The following SGCZ variants were observed in gnomAD, a reference collection of about 807,000 sequenced individuals.
The protein encoded by SGCZ is sarcoglycan zeta.
SGCZ carries 40 observed loss-of-function variants against 41.3 expected under a neutral mutation model. The observed-to-expected ratio is 0.97, with a 90% CI of 0.75 to 1.26. SGCZ has a LOEUF of 1.26. Among genes scored for constraint, SGCZ ranks in the 50% most tolerant of loss-of-function variants. The pLI, the probability that SGCZ is intolerant of heterozygous loss-of-function variation, is 0.00. For missense variants in SGCZ, 552 were observed against 369.8 expected (o/e 1.49, Z -4.04); for synonymous variants, 206 against 137.5 (o/e 1.50, Z -3.49).
intron 1 of SGCZ, among the ~76,000 whole-genome samples, chr8:14,801,817 T>C (rs118021421): frequency 0.026 from 3,724 of 142,598 alleles, 61 homozygotes; most frequent in Middle Eastern, 0.059. Context: ...AATTTTTATG[T>C]GCTTTAAAAA....
intron 2 of SGCZ, among the ~76,000 whole-genome samples, chr8:14,530,149 C>T (rs1803082125): frequency 6.6e-6 from 1 of 151,932 alleles, no homozygotes; most frequent in African/African-American, 2.4e-5. Context: ...TACAGATAAT[C>T]ATCTGAACTC....
At chr8:14,458,527 G>A (rs996586301) in intron 2 of SGCZ, among the ~76,000 whole-genome samples, 4 of 152,124 alleles carry the variant, frequency 2.6e-5, no homozygotes, top group Non-Finnish European at 4.4e-5. Flanking sequence ...AAAAGGGAAA[G>A]TCAAAAGAAA....
chr8:14,537,077 G>A (rs1803318885), intron 2 of SGCZ, among the ~76,000 whole-genome samples: 1 of 151,906 alleles, frequency 6.6e-6, no homozygotes, highest in South Asian at 2.1e-4. Context: ...GCCCCATCAT[G>A]ACTCTAACAG....
chr8:14,357,186 T>C (rs545103708), intron 2 of SGCZ, among the ~76,000 whole-genome samples: 2 of 152,326 alleles, frequency 1.3e-5, no homozygotes, highest in Admixed American at 1.3e-4. Context: ...AAACCACAGA[T>C]ACTTTCAAAT....
chr8:14,415,430 G>C (rs1465699737), intron 2 of SGCZ, among the ~76,000 whole-genome samples: 3 of 151,830 alleles, frequency 2.0e-5, no homozygotes, highest in African/African-American at 7.2e-5. Flanking sequence ...AAGGGAATTA[G>C]TGTGAATGAT....
At chr8:14,492,989 C>T (rs75469465) in intron 2 of SGCZ, among the ~76,000 whole-genome samples, 1 of 152,028 alleles carries the variant, frequency 6.6e-6, no homozygotes, top group African/African-American at 2.4e-5. Flanking sequence ...GGATCTAACC[C>T]CCCAACTCTC....
Position 14,325,719 on chromosome 8 carries a change from T to TAC in SGCZ, c.235-1517_235-1516dup, listed in dbSNP as rs371412533. 2.2e-3 allele frequency among the ~76,000 whole-genome samples: 192 copies of TAC among 87,704 alleles called. 1 individual carries two copies. Among genetic ancestry groups the TAC allele is most frequent in the Non-Finnish European group, 3.3e-3 (137 of 41,338 alleles). The allele number at this position is 87,704 out of a possible 152,430, so 57.5% of individuals were successfully genotyped here. A position where few individuals can be genotyped will look rare whatever the true frequency, so the allele number is the denominator to read the frequency against. On this transcript the variant is annotated intron_variant, in intron 2 of 7. Transcript: ENST00000382080. ...ATATAATTATATATACATATCTGTA[T>TAC]ACACACACACACACACACACACACA...
chr8:14,527,992 T>C (rs893516342), intron 2 of SGCZ, among the ~76,000 whole-genome samples: 2 of 152,058 alleles, frequency 1.3e-5, no homozygotes, highest in African/African-American at 4.8e-5. Context: ...TGAACTTACA[T>C]GTTTCAAAAT....
chr8:14,197,073 T>C (rs1339702253), intron 4 of SGCZ, among the ~76,000 whole-genome samples: 1 of 152,164 alleles, frequency 6.6e-6, no homozygotes, highest in Non-Finnish European at 1.5e-5. Context: ...ATCATTAAAA[T>C]GTACATTTAA....
At chr8:14,892,986 G>A (rs954988564) in intron 1 of SGCZ, among the ~76,000 whole-genome samples, 1 of 152,144 alleles carries the variant, frequency 6.6e-6, no homozygotes, top group Non-Finnish European at 1.5e-5. Context: ...TCCATACAGA[G>A]CATATGGTAG....
intron 1 of SGCZ, among the ~76,000 whole-genome samples, chr8:14,844,515 T>C: frequency 6.6e-6 from 1 of 152,160 alleles, no homozygotes; most frequent in East Asian, 1.9e-4. Context: ...GTTTCACTTC[T>C]ATCCCCTTTA....
At chr8:14,264,726 C>T (rs1799814402) in intron 3 of SGCZ, among the ~76,000 whole-genome samples, 1 of 152,164 alleles carries the variant, frequency 6.6e-6, no homozygotes, top group Non-Finnish European at 1.5e-5. Flanking sequence ...CTTTGGGAGT[C>T]CGAGGCGGGC....
chr8:14,706,235 C>T (rs1809329011), intron 1 of SGCZ, among the ~76,000 whole-genome samples: 1 of 152,112 alleles, frequency 6.6e-6, no homozygotes, highest in Admixed American at 6.5e-5. Flanking sequence ...ATCCACATCA[C>T]ACTGCCCTTT....
intron 1 of SGCZ, among the ~76,000 whole-genome samples, chr8:15,011,583 G>A (rs1802828770): frequency 6.6e-6 from 1 of 152,110 alleles, no homozygotes; most frequent in Admixed American, 6.6e-5. Flanking sequence ...TGTCACAGCT[G>A]AAATTCCATA....
At position 14,883,426 on chromosome 8, in the gene SGCZ, A is replaced by T. The variant is rs180771479; in HGVS notation, c.40-328500T>A. On this transcript the variant is annotated intron_variant, in intron 1 of 7. Coordinates refer to ENST00000382080, the MANE Select transcript of SGCZ (RefSeq NM_139167.4). ...GCTTTAGCCATATTCAATATTATAC[A>T]TTAAATACACAAATAGTTTTTAAAA... is the stretch of plus-strand genomic sequence containing the variant. Among the ~76,000 whole-genome samples the T allele has an allele frequency of 3.7e-3, 561 of 152,242 alleles. 4 individuals carry two copies. Among genetic ancestry groups the T allele is most frequent in the African/African-American group, 0.013 (543 of 41,570 alleles).
At chr8:14,674,395 T>G (rs555484814) in intron 1 of SGCZ, among the ~76,000 whole-genome samples, 21 of 152,094 alleles carry the variant, frequency 1.4e-4, no homozygotes, top group Non-Finnish European at 2.6e-4. Context: ...TAAGATTAAA[T>G]TTACAAGAAA....
intron 2 of SGCZ, among the ~76,000 whole-genome samples, chr8:14,410,679 T>C (rs1215958171): frequency 6.6e-6 from 1 of 152,040 alleles, no homozygotes; most frequent in Non-Finnish European, 1.5e-5. Context: ...AAAACCTAGA[T>C]GATGGGTTGA....
At chr8:14,330,698 C>T (rs1171446219) in intron 2 of SGCZ, among the ~76,000 whole-genome samples, 1 of 151,924 alleles carries the variant, frequency 6.6e-6, no homozygotes, top group Non-Finnish European at 1.5e-5. Context: ...TCACTCCCTC[C>T]TCTTGAGTTA....
chr8:14,428,629 A>G (rs1393384915), intron 2 of SGCZ, among the ~76,000 whole-genome samples: 1 of 152,214 alleles, frequency 6.6e-6, no homozygotes, highest in Non-Finnish European at 1.5e-5. Flanking sequence ...TAGATTCACA[A>G]AGAAATACTG....
Sources: gnomAD v4.1 joint callset for allele counts (sites outside exome capture counted in the v4.1 genomes callset) on GRCh38, gnomAD v4.1.1 for gene constraint, MANE v1.5 for transcripts, NCBI Gene and HGNC (gene_info 2026-07-23, HGNC 2026-07-21) for gene names.